The following LAMB1 variants were observed in gnomAD, a reference collection of about 807,000 sequenced individuals.
LAMB1 encodes the protein laminin subunit beta 1.
A neutral mutation model predicts 222.3 loss-of-function variants in LAMB1; 121 were observed. The ratio of observed to expected loss-of-function variants is 0.54; its 90% CI spans 0.47 to 0.63. The LOEUF (loss-of-function observed/expected upper bound fraction) is 0.63, where lower values mean the gene tolerates loss of function less well. Among genes scored for constraint, LAMB1 ranks in the 30% least tolerant of loss-of-function variants. The pLI is 0.00. For synonymous variants in LAMB1, 794 were observed against 807.2 expected (o/e 0.98, Z 0.28); for missense variants, 2,172 against 2,240.8 (o/e 0.97, Z 0.62).
chr7:107,931,198 CATATAT>C (rs1484437044), intron 29 of LAMB1, among the ~76,000 whole-genome samples, 152 bp downstream of exon 29: 1 of 152,106 alleles, frequency 6.6e-6, no homozygotes, highest in Non-Finnish European at 1.5e-5. Flanking sequence ...ATTTGATACA[CATATAT>C]AAGTTTAAGA....
At position 107,935,555 on chromosome 7, in the gene LAMB1, C is replaced by A. The variant is rs769769014; in HGVS notation, c.4048G>T (p.Ala1350Ser). Residue 1350 changes from alanine to serine, a missense_variant, in exon 27 of 34, where the codon GCC (alanine) becomes TCC (serine). Ala to Ser is a moderately conservative substitution (Grantham distance 99). Coordinates refer to ENST00000222399, the MANE Select transcript of LAMB1 (RefSeq NM_002291.3). ...TEPNSTVEQS[A>S]LMRDRVEDVM... ...TCTTCTACTCTGTCTCTCATGAGGGCTGACTGCTCCACAGTGCTGTTGGGT... is the reference window on the plus strand; with the variant it reads ...TCTTCTACTCTGTCTCTCATGAGGGATGACTGCTCCACAGTGCTGTTGGGT... 1 of 1,613,904 alleles carries A rather than the reference C, an allele frequency of 6.2e-7. No individual in the cohort carries two copies. The highest frequency in any genetic ancestry group is 1.3e-5 in the African/African-American group (1 of 74,958).
intron 24 of LAMB1, among the ~76,000 whole-genome samples, chr7:107,946,347 G>A (rs1443089759): frequency 1.3e-5 from 2 of 152,080 alleles, no homozygotes; most frequent in African/African-American, 4.8e-5. Context: ...TTCAATTTTG[G>A]AATGAAAGTT....
At position 107,986,338 on chromosome 7, in the gene LAMB1, A is replaced by G. The variant is rs779700193; in HGVS notation, c.449T>C (p.Ile150Thr). The G allele has an allele frequency of 1.1e-5, 18 of 1,606,352 alleles. No homozygotes were observed. In the East Asian group the frequency reaches 3.6e-4, roughly 32 times the overall value. Residue 150 changes from isoleucine to threonine, a missense_variant, in exon 6 of 34, where the codon ATA becomes ACA. Transcript: ENST00000222399. ...TTTCCCAAAGTCGGACGATCGTTCT[A>G]TCAGCATAGCAGCTGGACGGAATGT... The part of the protein sequence containing the change: ...FKTFRPAAML[I>T]ERSSDFGKTW...
chr7:107,939,952 C>A, intron 25 of LAMB1, 37 bp downstream of exon 25: 1 of 1,589,298 alleles, frequency 6.3e-7, no homozygotes, highest in Non-Finnish European at 8.6e-7. Context: ...ATTTTTTCAG[C>A]TTTATGAGTA....
chr7:107,959,052 C>A (rs573919514), intron 20 of LAMB1, among the ~76,000 whole-genome samples, 197 bp downstream of exon 20: 15 of 152,292 alleles, frequency 9.8e-5, no homozygotes, highest in South Asian at 2.1e-4. Flanking sequence ...TCTCCAGCAC[C>A]AGAACGGTGC....
Position 107,923,846 on chromosome 7 carries a change from TA to T in LAMB1, c.*104del. ...TATTTAACTCCATACAAAATGTGAT[TA>T]AAAACATTAAATAGGTGATGTTTTA... On this transcript the variant is annotated 3_prime_UTR_variant, in exon 34 of 34. Coordinates refer to ENST00000222399, the MANE Select transcript of LAMB1 (RefSeq NM_002291.3). 1 of 1,070,160 alleles carries T rather than the reference TA, an allele frequency of 9.3e-7. No individual in the cohort carries two copies. The highest frequency in any genetic ancestry group is 1.3e-6 in the Non-Finnish European group (1 of 744,420). 66.3% of individuals were successfully genotyped at this position (1,070,160 alleles called of 1,614,324 possible).
intron 9 of LAMB1, among the ~76,000 whole-genome samples, chr7:107,976,992 CCTCCTTCCTTCCTTTCCTCTCTCT>C (rs1563000214): frequency 1.1e-4 from 10 of 90,272 alleles, no homozygotes; most frequent in Admixed American, 3.4e-4. Flanking sequence ...CTTTCCTCTT[CCTCCTTCCTTCCTTTCCTCTCTCT>C]CCTTCCTTCC....
chr7:107,986,161 A>G lies in LAMB1; in HGVS notation c.612+14T>C. On this transcript the variant is annotated intron_variant, in intron 6 of 33. Coordinates refer to ENST00000222399, the MANE Select transcript of LAMB1 (RefSeq NM_002291.3). ...GATTTGCAAGTAGAATGTAAAACACAGAAGCAAACAAACCTCTCCTTCAGT... is the reference window on the plus strand; with the variant it reads ...GATTTGCAAGTAGAATGTAAAACACGGAAGCAAACAAACCTCTCCTTCAGT... The G allele has an allele frequency of 1.9e-6, 3 of 1,613,110 alleles. No individual in the cohort carries two copies. Among genetic ancestry groups the G allele is most frequent in the Non-Finnish European group, 2.5e-6 (3 of 1,179,084 alleles).
chr7:107,951,705 G>A (rs1043505322), intron 23 of LAMB1, among the ~76,000 whole-genome samples: 9 of 152,142 alleles, frequency 5.9e-5, no homozygotes, highest in African/African-American at 1.7e-4. Context: ...GGTTCCTTTC[G>A]AGAAGCTAAG....
intron 7 of LAMB1, among the ~76,000 whole-genome samples, chr7:107,981,818 A>T (rs1409680974): frequency 6.6e-6 from 1 of 152,198 alleles, no homozygotes; most frequent in Non-Finnish European, 1.5e-5. Context: ...CTATTTTTGG[A>T]AGGGAAAATT....
intron 7 of LAMB1, among the ~76,000 whole-genome samples, chr7:107,984,363 C>T (rs1385471838): frequency 6.6e-6 from 1 of 152,218 alleles, no homozygotes; most frequent in Non-Finnish European, 1.5e-5. Flanking sequence ...ATTCTCCTGC[C>T]TCAGCCTCCT....
chr7:107,928,468 G>T (rs886749750), intron 31 of LAMB1, among the ~76,000 whole-genome samples: 1 of 151,798 alleles, frequency 6.6e-6, no homozygotes, highest in Non-Finnish European at 1.5e-5. Context: ...CTACTGAACA[G>T]AGTATATGCT....
chr7:107,980,818 A>C lies in LAMB1; in HGVS notation c.677-7T>G. On this transcript the variant is annotated splice_polypyrimidine_tract_variant and splice_region_variant and intron_variant, in intron 7 of 33. Transcript: ENST00000222399. Reference sequence around the variant, plus strand: ...TTGGTAATTTTTAATAAATCTAGGAAGGTCATCAAGAAGATGAAAAGTCTG... The same window carrying C: ...TTGGTAATTTTTAATAAATCTAGGACGGTCATCAAGAAGATGAAAAGTCTG... 1 of 1,569,936 alleles carries C rather than the reference A, an allele frequency of 6.4e-7. No individual in the cohort carries two copies. Among genetic ancestry groups the C allele is most frequent in the Non-Finnish European group, 8.8e-7 (1 of 1,141,632 alleles).
intron 20 of LAMB1, among the ~76,000 whole-genome samples, chr7:107,958,854 G>A (rs541977568): frequency 4.0e-4 from 61 of 152,132 alleles, no homozygotes; most frequent in South Asian, 1.0e-3. Context: ...GAAAAACAAA[G>A]CTATTTAAAA....
intron 12 of LAMB1, among the ~76,000 whole-genome samples, chr7:107,973,807 A>C (rs1252560176): frequency 6.6e-6 from 1 of 152,070 alleles, no homozygotes; most frequent in Non-Finnish European, 1.5e-5. Flanking sequence ...CACCACACCC[A>C]GCTAATTTTT....
rs746909086 is a variant in LAMB1, at chr7:107,960,586, C to T, written c.2173G>A (p.Val725Met). Reference protein sequence around the residue: ...IFTVGGSGDGVVTNSAWETFQ... With the variant: ...IFTVGGSGDGMVTNSAWETFQ... ...GTTTCCCAGGCACTGTTGGTGACCA[C>T]CCCATCTCCTGAACCTCCCACGGTG... is the stretch of plus-strand genomic sequence containing the variant. The change falls in exon 18 of 34, where the codon GTG (valine) becomes ATG (methionine). Residue 725 changes from valine (V) to methionine (M), a missense_variant. Coordinates refer to ENST00000222399, the MANE Select transcript of LAMB1 (RefSeq NM_002291.3). 26 of 1,614,164 alleles carry T rather than the reference C, an allele frequency of 1.6e-5. No homozygotes were observed. The highest frequency in any genetic ancestry group is 2.1e-5 in the Non-Finnish European group (25 of 1,179,978).
rs561226591 is a variant in LAMB1 at position 107,939,283 on chromosome 7, G to A, written c.3761+706C>T. On this transcript the variant is annotated intron_variant, in intron 25 of 33. Transcript: ENST00000222399. Reference sequence around the variant, plus strand: ...GAAAGGGTAGATAAATGATCCTTGAGAAGGTCAATTCTCTAGGCTTCCACT... The same window carrying A: ...GAAAGGGTAGATAAATGATCCTTGAAAAGGTCAATTCTCTAGGCTTCCACT... 7.2e-4 allele frequency among the ~76,000 whole-genome samples: 109 copies of A among 152,154 alleles called. 2 individuals carry two copies. The highest frequency in any genetic ancestry group is 7.1e-3 in the Admixed American group (109 of 15,284).
intron 24 of LAMB1, among the ~76,000 whole-genome samples, chr7:107,944,297 A>G (rs2033063380): frequency 2.0e-5 from 3 of 152,156 alleles, no homozygotes; most frequent in Admixed American, 1.3e-4. Flanking sequence ...TTTAAGGGGA[A>G]AACAGCCCAA....
In LAMB1 at chr7:107,978,075, A is replaced by G; in HGVS notation, c.972T>C (p.Ala324=). Residue 324 remains alanine (A), a synonymous_variant, in exon 9 of 34, where the codon GCT becomes GCC. Transcript: ENST00000222399. The part of the protein sequence containing the change: ...DFYHDLPWRP[A]EGRNSNACKK... ...TACAGGCGTTGCTGTTTCGGCCTTC[A>G]GCAGGTCTCCAAGGTAAATCATGGT... 2 of 1,614,200 alleles carry G rather than the reference A, an allele frequency of 1.2e-6. No homozygotes were observed. Among genetic ancestry groups the G allele is most frequent in the Non-Finnish European group, 8.5e-7 (1 of 1,180,040 alleles).
Sources: gnomAD v4.1 joint callset for allele counts (sites outside exome capture counted in the v4.1 genomes callset) on GRCh38, gnomAD v4.1.1 for gene constraint, MANE v1.5 for transcripts, NCBI Gene and HGNC (gene_info 2026-07-23, HGNC 2026-07-21) for gene names.